The following PTPRS variants were observed in gnomAD, a reference collection of about 807,000 sequenced individuals.
The protein encoded by PTPRS is receptor-type tyrosine-protein phosphatase S.
Under a neutral mutation model 215.3 loss-of-function variants are expected in PTPRS, and 63 were observed. The observed-to-expected ratio is 0.29, with a 90% confidence interval of 0.24 to 0.36. The LOEUF is 0.36. Ranked by LOEUF, PTPRS falls within the 10% of genes least tolerant of loss-of-function variation. The pLI is 1.00. For synonymous variants in PTPRS, 1,404 were observed against 1,191.4 expected (o/e 1.18, Z -3.68); for missense variants, 2,258 against 2,825.8 (o/e 0.80, Z 4.56).
chr19:5,266,678 A>G (rs2046423675), intron 4 of PTPRS, among the ~76,000 whole-genome samples: 2 of 151,892 alleles, frequency 1.3e-5, no homozygotes, highest in Non-Finnish European at 2.9e-5. Flanking sequence ...TTCTAAACAT[A>G]AACCACACTG....
intron 1 of PTPRS, among the ~76,000 whole-genome samples, chr19:5,289,447 C>T (rs774745963): frequency 3.9e-5 from 6 of 152,206 alleles, no homozygotes; most frequent in African/African-American, 7.2e-5. Flanking sequence ...TCTGCAAGCA[C>T]CCGAGTCAGG....
intron 9 of PTPRS, among the ~76,000 whole-genome samples, chr19:5,253,948 T>G (rs2045354233): frequency 6.6e-6 from 1 of 152,144 alleles, no homozygotes; most frequent in South Asian, 2.1e-4. Flanking sequence ...GATGAGGAAG[T>G]GGGGACTCCA....
chr19:5,288,116 G>A (rs1246420766), intron 1 of PTPRS, among the ~76,000 whole-genome samples: 2 of 152,104 alleles, frequency 1.3e-5, no homozygotes, highest in African/African-American at 4.8e-5. Flanking sequence ...AAGGGGTCAT[G>A]GTGGGGCAGG....
intron 7 of PTPRS, among the ~76,000 whole-genome samples, chr19:5,258,677 C>G (rs1198766603): frequency 6.6e-6 from 1 of 152,168 alleles, no homozygotes; most frequent in African/African-American, 2.4e-5. Context: ...CTCAACGCCC[C>G]TAAGTAAATG....
chr19:5,246,458 G>A (rs1011707454), intron 9 of PTPRS, among the ~76,000 whole-genome samples: 1 of 152,212 alleles, frequency 6.6e-6, no homozygotes, highest in Admixed American at 6.5e-5. Flanking sequence ...ATTTATCAGC[G>A]GTTTCTCATC....
At chr19:5,277,708 G>A (rs2047508154) in intron 2 of PTPRS, 6 of 606,874 alleles carry the variant, frequency 9.9e-6, no homozygotes, top group South Asian at 9.7e-5. Context: ...GCCTAAGGAG[G>A]TGGCAGCCGT....
intron 1 of PTPRS, among the ~76,000 whole-genome samples, chr19:5,289,278 G>C (rs1455761834): frequency 6.6e-6 from 1 of 152,130 alleles, no homozygotes; most frequent in Non-Finnish European, 1.5e-5. Context: ...TCTGCCTTCA[G>C]AATCTGTCCC....
chr19:5,239,600 A>G (rs1450099540), intron 12 of PTPRS, among the ~76,000 whole-genome samples: 1 of 151,898 alleles, frequency 6.6e-6, no homozygotes, highest in African/African-American at 2.4e-5. Context: ...AGACAGAAAC[A>G]CAGAGAAACA....
At chr19:5,218,649 G>A in intron 24 of PTPRS, 117 bp from the exon 25 acceptor site, 1 of 1,515,514 alleles carries the variant, frequency 6.6e-7, no homozygotes, top group Non-Finnish European at 9.2e-7. Context: ...TATGACTAGG[G>A]TTTCCAGGAC....
At chr19:5,289,723 G>A (rs2048654805) in intron 1 of PTPRS, among the ~76,000 whole-genome samples, 1 of 152,252 alleles carries the variant, frequency 6.6e-6, no homozygotes, top group East Asian at 1.9e-4. Context: ...GGACCAAAAG[G>A]TGAATGGGAA....
chr19:5,224,303 G>T (rs1306733784), intron 17 of PTPRS, among the ~76,000 whole-genome samples: 1 of 152,224 alleles, frequency 6.6e-6, no homozygotes, highest in Non-Finnish European at 1.5e-5. Flanking sequence ...CCCATGCAAA[G>T]GTGTAGAGCC....
intron 1 of PTPRS, among the ~76,000 whole-genome samples, chr19:5,299,242 G>A (rs546304740): frequency 4.6e-5 from 7 of 152,216 alleles, no homozygotes; most frequent in Admixed American, 4.6e-4. Context: ...GGCCCTGCAT[G>A]ACCTGCTCCA....
intron 1 of PTPRS, among the ~76,000 whole-genome samples, chr19:5,312,789 T>G (rs2049748209): frequency 6.6e-6 from 1 of 152,190 alleles, no homozygotes; most frequent in Non-Finnish European, 1.5e-5. Flanking sequence ...GAATTCGAAT[T>G]GTCTCCATTT....
At chr19:5,332,220 C>G (rs1258186676) in intron 1 of PTPRS, among the ~76,000 whole-genome samples, 1 of 152,024 alleles carries the variant, frequency 6.6e-6, no homozygotes. Flanking sequence ...CTCCGCCTCC[C>G]AGGTTCAAGC....
intron 1 of PTPRS, among the ~76,000 whole-genome samples, chr19:5,310,056 C>T (rs1398738979): frequency 6.6e-6 from 1 of 152,194 alleles, no homozygotes; most frequent in Non-Finnish European, 1.5e-5. Flanking sequence ...TCTCCCCTCC[C>T]CTCCTCCCCC....
rs532472879 is a variant in PTPRS, at chr19:5,225,011, C to G, written c.2494+716G>C. Among the ~76,000 whole-genome samples, 3 of 152,266 alleles carry G rather than the reference C, an allele frequency of 2.0e-5. No individual in the cohort carries two copies. In the South Asian group the frequency reaches 6.2e-4, roughly 32 times the overall value. ...CGCCCACCACCACCACCACCACGCC[C>G]CACCCCCCAAGTCTTTTTCTGGGCT... On this transcript the variant is annotated intron_variant, in intron 17 of 37. Coordinates refer to ENST00000262963, the MANE Select transcript of PTPRS (RefSeq NM_002850.4).
chr19:5,229,810 T>A (rs968168027), intron 14 of PTPRS, 126 bp from the exon 15 acceptor site: 1 of 560,852 alleles, frequency 1.8e-6, no homozygotes, highest in African/African-American at 2.0e-5. Context: ...CTGGGCGCTC[T>A]TAGCGCTCAC....
chr19:5,229,870 G>C (rs1185307863), intron 14 of PTPRS, among the ~76,000 whole-genome samples, 186 bp from the exon 15 acceptor site: 3 of 151,254 alleles, frequency 2.0e-5, no homozygotes, highest in Non-Finnish European at 4.4e-5. Flanking sequence ...AGCCCTGGGA[G>C]GGGCCCCTGA....
chr19:5,207,776 A>T (rs926451969), intron 37 of PTPRS, 146 bp downstream of exon 37: 29 of 1,180,746 alleles, frequency 2.5e-5, no homozygotes, highest in Non-Finnish European at 3.2e-5. Flanking sequence ...GTCCCCTTCC[A>T]GTGCGGGAGG....
Sources: gnomAD v4.1 joint callset for allele counts (sites outside exome capture counted in the v4.1 genomes callset) on GRCh38, gnomAD v4.1.1 for gene constraint, MANE v1.5 for transcripts, NCBI Gene and HGNC (gene_info 2026-07-23, HGNC 2026-07-21) for gene names.